The following CNTN3 variants were observed in gnomAD, a reference collection of about 807,000 sequenced individuals.
CNTN3 encodes the protein contactin 3, also known as contactin-3.
CNTN3 carries 60 observed loss-of-function variants against 119.1 expected under a neutral mutation model. That is an observed-to-expected ratio of 0.50 (90% CI 0.41 to 0.62). CNTN3 has a LOEUF of 0.62. Ranked by LOEUF, CNTN3 falls within the 20% of genes least tolerant of loss-of-function variation. The probability of loss-of-function intolerance (pLI) is 0.00; values close to 1 mark genes in which losing one functional copy is unlikely to be tolerated. For synonymous variants in CNTN3, 450 were observed against 438.7 expected, an observed-to-expected ratio of 1.03 and a Z score of -0.32; for missense variants, 1,101 against 1,242.4, an observed-to-expected ratio of 0.89 and a Z score of 1.71.
intron 5 of CNTN3, among the ~76,000 whole-genome samples, chr3:74,395,352 CTGTTA>C (rs1705020531): frequency 6.8e-6 from 1 of 147,568 alleles, no homozygotes; most frequent in Admixed American, 6.9e-5. Flanking sequence ...TCCACACTGC[CTGTTA>C]TATCTTTATA....
At chr3:74,318,410 G>A (rs191325268) in intron 13 of CNTN3, among the ~76,000 whole-genome samples, 36 of 152,248 alleles carry the variant, frequency 2.4e-4, no homozygotes, top group Non-Finnish European at 4.1e-4. Flanking sequence ...GAGGAGAGGC[G>A]CTCTGATTTT....
intron 2 of CNTN3, among the ~76,000 whole-genome samples, chr3:74,519,623 A>C (rs1703508935): frequency 6.6e-6 from 1 of 151,714 alleles, no homozygotes; most frequent in South Asian, 2.1e-4. Context: ...GCTGCAGTAC[A>C]TTTTGTGTCA....
chr3:74,448,177 G>A (rs1339190667), intron 4 of CNTN3, among the ~76,000 whole-genome samples: 2 of 152,104 alleles, frequency 1.3e-5, no homozygotes, highest in African/African-American at 4.8e-5. Flanking sequence ...TTGAGAGCAG[G>A]ACTATAATTT....
At chr3:74,494,152 C>A (rs1003049987) in intron 3 of CNTN3, among the ~76,000 whole-genome samples, 3 of 152,024 alleles carry the variant, frequency 2.0e-5, no homozygotes, top group Admixed American at 6.6e-5. Flanking sequence ...AGCAGCCCTC[C>A]TCATACGAAC....
intron 4 of CNTN3, among the ~76,000 whole-genome samples, chr3:74,463,288 A>G (rs1702404790): frequency 6.6e-6 from 1 of 152,144 alleles, no homozygotes; most frequent in African/African-American, 2.4e-5. Flanking sequence ...TCTCTCCCAT[A>G]GAGTTTAGTA....
chr3:74,296,216 C>A (rs1702335438), intron 18 of CNTN3, among the ~76,000 whole-genome samples: 1 of 152,104 alleles, frequency 6.6e-6, no homozygotes, highest in Non-Finnish European at 1.5e-5. Context: ...AACAGAAAGA[C>A]TTTTAGCTAA....
intron 4 of CNTN3, among the ~76,000 whole-genome samples, chr3:74,453,190 C>G (rs1028583867): frequency 6.6e-6 from 1 of 152,040 alleles, no homozygotes; most frequent in African/African-American, 2.4e-5. Flanking sequence ...GCCACAATTT[C>G]AGCTCCTGTT....
intron 4 of CNTN3, among the ~76,000 whole-genome samples, chr3:74,478,624 GC>G (rs1167002693): frequency 2.0e-5 from 3 of 152,068 alleles, no homozygotes; most frequent in Non-Finnish European, 2.9e-5. Flanking sequence ...AATGAGGTGA[GC>G]CCAGTGAGAT....
At chr3:74,588,411 C>T (rs1160515910) in intron 1 of CNTN3, among the ~76,000 whole-genome samples, 1 of 151,888 alleles carries the variant, frequency 6.6e-6, no homozygotes, top group Non-Finnish European at 1.5e-5. Context: ...ACGTGAAGGA[C>T]CTCTTCAAGG....
intron 8 of CNTN3, among the ~76,000 whole-genome samples, chr3:74,366,441 C>T (rs2106781702): frequency 6.6e-6 from 1 of 152,106 alleles, no homozygotes; most frequent in South Asian, 2.1e-4. Flanking sequence ...GTACCACTTA[C>T]AATGAAAGTC....
chr3:74,271,634 T>C (rs1406628976), intron 20 of CNTN3, among the ~76,000 whole-genome samples: 1 of 152,182 alleles, frequency 6.6e-6, no homozygotes, highest in Non-Finnish European at 1.5e-5. Context: ...TTCTTGGCCA[T>C]CTGATGGTAA....
intron 1 of CNTN3, among the ~76,000 whole-genome samples, chr3:74,530,382 C>T (rs978977311): frequency 4.0e-5 from 6 of 151,798 alleles, no homozygotes; most frequent in African/African-American, 1.5e-4. Flanking sequence ...TCAGAGTTGT[C>T]CAGAGACTGA....
chr3:74,551,666 T>G (rs985760042), intron 1 of CNTN3, among the ~76,000 whole-genome samples: 3 of 151,812 alleles, frequency 2.0e-5, no homozygotes, highest in African/African-American at 4.8e-5. Context: ...TATTAATCTT[T>G]TTACTGTCTA....
intron 1 of CNTN3, among the ~76,000 whole-genome samples, chr3:74,539,647 G>T (rs1703814085): frequency 6.6e-6 from 1 of 152,052 alleles, no homozygotes; most frequent in Admixed American, 6.6e-5. Context: ...CTGTAGATGG[G>T]ATTCCGGTGC....
intron 19 of CNTN3, among the ~76,000 whole-genome samples, chr3:74,285,796 T>TAG (rs1294225168): frequency 1.9e-5 from 1 of 53,736 alleles, no homozygotes; most frequent in Non-Finnish European, 3.3e-5. Flanking sequence ...GGGAGATATA[T>TAG]ATATATATAT....
intron 1 of CNTN3, among the ~76,000 whole-genome samples, chr3:74,533,358 G>A (rs926859585): frequency 6.6e-6 from 1 of 151,896 alleles, no homozygotes; most frequent in African/African-American, 2.4e-5. Flanking sequence ...ACATTTAGGA[G>A]CACTAATAAC....
chr3:74,595,779 C>G (rs537907371), intron 1 of CNTN3, among the ~76,000 whole-genome samples: 1 of 152,224 alleles, frequency 6.6e-6, no homozygotes, highest in South Asian at 2.1e-4. Flanking sequence ...AAAACTGGCA[C>G]AAGACAGGGA....
At chr3:74,459,487 G>T (rs558353636) in intron 4 of CNTN3, among the ~76,000 whole-genome samples, 1 of 151,892 alleles carries the variant, frequency 6.6e-6, no homozygotes, top group Admixed American at 6.6e-5. Flanking sequence ...CTTCTGAAGG[G>T]GTGCAAGATC....
chr3:74,588,572 C>T (rs1559669654), intron 1 of CNTN3, among the ~76,000 whole-genome samples: 1 of 152,018 alleles, frequency 6.6e-6, no homozygotes, highest in East Asian at 1.9e-4. Context: ...ATCAAGCTAC[C>T]AATGACTTTC....
Sources: allele counts gnomAD v4.1 joint callset (sites outside exome capture counted in the v4.1 genomes callset), GRCh38; gene constraint gnomAD v4.1.1; transcripts MANE v1.5; gene names NCBI Gene and HGNC (gene_info 2026-07-23, HGNC 2026-07-21).